The following RARRES2 variants were observed in gnomAD, a reference collection of about 807,000 sequenced individuals.
RARRES2 encodes retinoic acid receptor responder 2.
Under a neutral mutation model 17.9 loss-of-function variants are expected in RARRES2, and 12 were observed. The observed-to-expected ratio is 0.67, with a 90% CI of 0.43 to 1.08. The LOEUF (loss-of-function observed/expected upper bound fraction) is 1.08. RARRES2 is among the 50% of genes least tolerant of loss of function. The probability of loss-of-function intolerance (pLI) is 0.00; values close to 1 mark genes in which losing one functional copy is unlikely to be tolerated. For missense variants in RARRES2, 220 were observed against 210.1 expected, an observed-to-expected ratio of 1.05 and a Z score of -0.29; for synonymous variants, 82 against 86.8, an observed-to-expected ratio of 0.94 and a Z score of 0.31.
At chr7:150,340,051 T>C in intron 3 of RARRES2, 49 bp downstream of exon 3, 1 of 1,527,350 alleles carries the variant, frequency 6.5e-7, no homozygotes. Context: ...CCCAAGTCCA[T>C]GCACTCACAC....
At position 150,339,054 on chromosome 7, in the gene RARRES2, T is replaced by A; in HGVS notation, c.307A>T (p.Lys103Ter). Residue 103 changes from lysine (K) to a stop codon, truncating the protein, a stop_gained, in exon 4 of 6, where the codon AAA becomes TAA. Coordinates refer to ENST00000223271, the MANE Select transcript of RARRES2 (RefSeq NM_002889.4). LOFTEE classifies it high-confidence loss of function. ...AGAACTTTGTCCTCAGAGCCCAGTT[T>A]GATGCAGGCCAGGCATTTCCGTTTC... ...GRKRKCLACI[K>*]LGSEDKVLGR... 6.2e-7 allele frequency: 1 copy of A among 1,612,912 alleles called. No homozygotes were observed. Among genetic ancestry groups the A allele is most frequent in the Non-Finnish European group, 8.5e-7 (1 of 1,178,972 alleles).
chr7:150,340,378 A>C, intron 2 of RARRES2, 58 bp downstream of exon 2: 1 of 1,553,932 alleles, frequency 6.4e-7, no homozygotes, highest in African/African-American at 1.4e-5. Flanking sequence ...CTTCGTGGGA[A>C]TGCGCTGGTC....
Position 150,340,600 on chromosome 7 carries a change from G to A in RARRES2, c.10C>T (p.Leu4=). 1 of 1,524,762 alleles carries A rather than the reference G, an allele frequency of 6.6e-7. No individual in the cohort carries two copies. The highest frequency in any genetic ancestry group is 8.8e-7 in the Non-Finnish European group (1 of 1,132,756). 94.5% of individuals were successfully genotyped at this position (1,524,762 alleles called of 1,614,324 possible). A position where few individuals can be genotyped will look rare whatever the true frequency, so the allele number is the denominator to read the frequency against. MRR[L]LIPLALWLGA... ...AGCCACAGGGCCAGAGGGATCAGCA[G>A]CCGTCGCATGCTTCCGTGTCACCCT... is the stretch of plus-strand genomic sequence containing the variant. The change falls in exon 2 of 6, where the codon CTG becomes TTG. Residue 4 remains leucine (L), a synonymous_variant. Coordinates refer to ENST00000223271, the MANE Select transcript of RARRES2 (RefSeq NM_002889.4).
In RARRES2 at chr7:150,338,417, G is replaced by A. The variant is rs868080200; in HGVS notation, c.*33C>T. The A allele has an allele frequency of 3.0e-5, 46 of 1,518,706 alleles. No individual in the cohort carries two copies. The African/African-American group carries it at 3.6e-4, about 12-fold the overall frequency. 94.1% of individuals were successfully genotyped at this position (1,518,706 alleles called of 1,614,324 possible). A position where few individuals can be genotyped will look rare whatever the true frequency, so the allele number is the denominator to read the frequency against. On this transcript the variant is annotated 3_prime_UTR_variant, in exon 6 of 6. Transcript: ENST00000223271. Reference sequence around the variant, plus strand: ...TCTTCCACTGGTTACCACCCGCAGCGGTCCTGGAGGCACCACGCATCTCTA... The same window carrying A: ...TCTTCCACTGGTTACCACCCGCAGCAGTCCTGGAGGCACCACGCATCTCTA...
chr7:150,340,863 G>A lies in RARRES2; in HGVS notation c.-20-234C>T, dbSNP rs1222334344. On this transcript the variant is annotated intron_variant, in intron 1 of 5. Coordinates refer to ENST00000223271, the MANE Select transcript of RARRES2 (RefSeq NM_002889.4). The stretch of plus-strand genomic sequence containing the variant: ...CTGTTCCCTGGGGCCTGCAGTTTTA[G>A]CAAAGTTCCCTGCCCACGCTAGGAA... 1.2e-5 allele frequency: 5 copies of A among 424,726 alleles called. No homozygotes were observed. The East Asian group carries it at 1.2e-4, about 10-fold the overall frequency. The allele number at this position is 424,726 out of a possible 1,614,324, so 26.3% of individuals were successfully genotyped here. A position where few individuals can be genotyped will look rare whatever the true frequency, so the allele number is the denominator to read the frequency against.
Position 150,338,968 on chromosome 7 carries a change from A to G in RARRES2, c.375+18T>C, listed in dbSNP as rs1798408381. 1 of 1,581,506 alleles carries G rather than the reference A, an allele frequency of 6.3e-7. No individual in the cohort carries two copies. Among genetic ancestry groups the G allele is most frequent in the African/African-American group, 1.3e-5 (1 of 74,124 alleles). On this transcript the variant is annotated intron_variant, in intron 4 of 5. Transcript: ENST00000223271. ...TTCCCAGCCCTGTCACCACCTGTGC[A>G]CCCTTGCCCCTTCTTACCCGCAGAA... is the stretch of plus-strand genomic sequence containing the variant.
At chr7:150,338,505 TC>T (rs1468186726) in intron 5 of RARRES2, 66 bp from the exon 6 acceptor site, 63 of 1,517,668 alleles carry the variant, frequency 4.2e-5, no homozygotes, top group Non-Finnish European at 5.4e-5. Flanking sequence ...CCAGCTTTCC[TC>T]CCAGGCTTCT....
chr7:150,339,509 CTATTT>C (rs1798426012), intron 3 of RARRES2, among the ~76,000 whole-genome samples: 1 of 142,376 alleles, frequency 7.0e-6, no homozygotes, highest in Non-Finnish European at 1.5e-5. Flanking sequence ...GTCACCTATT[CTATTT>C]ATTTTCTTGT....
At chr7:150,339,521 T>C (rs1192514764) in intron 3 of RARRES2, among the ~76,000 whole-genome samples, 1 of 119,074 alleles carries the variant, frequency 8.4e-6, no homozygotes, top group Non-Finnish European at 1.7e-5. Flanking sequence ...ATTTATTTTC[T>C]TGTAAGATTT....
chr7:150,339,924 G>A (rs977391777), intron 3 of RARRES2, among the ~76,000 whole-genome samples, 176 bp downstream of exon 3: 2 of 152,154 alleles, frequency 1.3e-5, no homozygotes, highest in African/African-American at 2.4e-5. Flanking sequence ...TTGGGCTCAG[G>A]CTGAGCCACT....
chr7:150,340,722 C>CG (rs61129646), intron 1 of RARRES2, 93 bp from the exon 2 acceptor site: 296,836 of 1,113,552 alleles, frequency 0.27, 44,722 homozygotes, highest in African/African-American at 0.54. Context: ...GGAGCGGGGG[C>CG]GGGGTCCAGG....
chr7:150,340,525 C>A lies in RARRES2; in HGVS notation c.85G>T (p.Gly29Cys), dbSNP rs769999369. Residue 29 changes from glycine (G) to cysteine (C), a missense_variant, in exon 2 of 6, where the codon GGC becomes TGC. Gly to Cys is a radical substitution (Grantham distance 159, BLOSUM62 -3). Coordinates refer to ENST00000223271, the MANE Select transcript of RARRES2 (RefSeq NM_002889.4). ...VAELTEAQRRGLQVALEEFHK... is the reference protein window; with the variant it reads ...VAELTEAQRRCLQVALEEFHK... ...AATTCCTCCAGGGCCACCTGCAGGC[C>A]CCGGCGCTGGGCTTCCGTGAGCTCG... 1.9e-5 allele frequency: 30 copies of A among 1,588,828 alleles called. 1 individual carries two copies. The Middle Eastern group carries it at 1.0e-3, about 53-fold the overall frequency.
At chr7:150,340,764 C>A in intron 1 of RARRES2, 135 bp from the exon 2 acceptor site, 1 of 716,034 alleles carries the variant, frequency 1.4e-6, no homozygotes, top group Non-Finnish European at 2.1e-6. Flanking sequence ...GTGAAGGAGC[C>A]TGGAAATGGC....
chr7:150,340,716 C>T, intron 1 of RARRES2, 87 bp from the exon 2 acceptor site: 1 of 1,160,670 alleles, frequency 8.6e-7, no homozygotes, highest in East Asian at 2.8e-5. Context: ...GGGTGGGGAG[C>T]GGGGGCGGGG....
intron 4 of RARRES2, 98 bp from the exon 5 acceptor site, chr7:150,338,839 G>C (rs975671795): frequency 5.1e-6 from 8 of 1,571,636 alleles, no homozygotes; most frequent in Non-Finnish European, 6.9e-6. Context: ...ATCCCTTGGA[G>C]AATGTCCAAA....
At position 150,338,413 on chromosome 7, in the gene RARRES2, C is replaced by T; in HGVS notation, c.*37G>A. 1 of 1,515,748 alleles carries T rather than the reference C, an allele frequency of 6.6e-7. No individual in the cohort carries two copies. Among genetic ancestry groups the T allele is most frequent in the East Asian group, 2.6e-5 (1 of 39,142 alleles). 93.9% of individuals were successfully genotyped at this position (1,515,748 alleles called of 1,614,324 possible). ...GGGGTCTTCCACTGGTTACCACCCGCAGCGGTCCTGGAGGCACCACGCATC... is the reference window on the plus strand; with the variant it reads ...GGGGTCTTCCACTGGTTACCACCCGTAGCGGTCCTGGAGGCACCACGCATC... On this transcript the variant is annotated 3_prime_UTR_variant, in exon 6 of 6. Coordinates refer to ENST00000223271, the MANE Select transcript of RARRES2 (RefSeq NM_002889.4).
At position 150,338,373 on chromosome 7, in the gene RARRES2, C is replaced by G; in HGVS notation, c.*77G>C. 6.8e-7 allele frequency: 1 copy of G among 1,479,512 alleles called. No individual in the cohort carries two copies. The highest frequency in any genetic ancestry group is 1.2e-5 in the South Asian group (1 of 82,710). 91.6% of individuals were successfully genotyped at this position (1,479,512 alleles called of 1,614,324 possible). The stretch of plus-strand genomic sequence containing the variant: ...TCATGGCTGGGGATAGAACGGGTTC[C>G]TCTCCCTGGGGGCTGGGGTCTTCCA... On this transcript the variant is annotated 3_prime_UTR_variant, in exon 6 of 6. Transcript: ENST00000223271.
rs748441946 is a variant in RARRES2, at chr7:150,338,644, T to C, written c.473A>G (p.Lys158Arg). 1.9e-5 allele frequency: 30 copies of C among 1,554,852 alleles called. No homozygotes were observed. Among genetic ancestry groups the C allele is most frequent in the Non-Finnish European group, 2.4e-5 (28 of 1,148,728 alleles). ...FYFPGQFAFS[K>R]ALPRS Reference sequence around the variant, plus strand: ...GCTGGCTTAGCTGCGGGGCAGGGCCTTGGAGAAGGCGAACTGTCCAGGGAA... The same window carrying C: ...GCTGGCTTAGCTGCGGGGCAGGGCCCTGGAGAAGGCGAACTGTCCAGGGAA... Residue 158 changes from lysine (K) to arginine (R), a missense_variant, in exon 5 of 6, where the codon AAG (lysine) becomes AGG (arginine). Lys to Arg is a conservative substitution (Grantham distance 26). Coordinates refer to ENST00000223271, the MANE Select transcript of RARRES2 (RefSeq NM_002889.4).
rs1403438499 is a variant in RARRES2 at position 150,338,596 on chromosome 7, T to C, written c.*10+19A>G. The C allele has an allele frequency of 7.7e-6, 12 of 1,550,848 alleles. No individual in the cohort carries two copies. The highest frequency in any genetic ancestry group is 1.0e-5 in the Non-Finnish European group (12 of 1,146,496). On this transcript the variant is annotated intron_variant, in intron 5 of 5. Transcript: ENST00000223271. ...GGCTGGCCTCATCCAGACGGTGCTCTCAGCCCCCTGGTGCCTACCAGTGCT... is the reference window on the plus strand; with the variant it reads ...GGCTGGCCTCATCCAGACGGTGCTCCCAGCCCCCTGGTGCCTACCAGTGCT...
Sources: gnomAD v4.1 joint callset for allele counts (sites outside exome capture counted in the v4.1 genomes callset) on GRCh38, gnomAD v4.1.1 for gene constraint, MANE v1.5 for transcripts, NCBI Gene and HGNC (gene_info 2026-07-23, HGNC 2026-07-21) for gene names.